Variants in NF1 observed in about 807,000 individuals in gnomAD.
NF1 encodes the protein neurofibromin.
A neutral mutation model predicts 325.7 loss-of-function variants in NF1; 122 were observed. The observed-to-expected ratio is 0.37, with a 90% confidence interval of 0.32 to 0.44. The LOEUF (loss-of-function observed/expected upper bound fraction) is 0.44, where lower values mean the gene tolerates loss of function less well. NF1 is among the 20% of genes least tolerant of loss of function. The pLI, the probability that NF1 is intolerant of heterozygous loss-of-function variation, is 1.00. For synonymous variants in NF1, 1,091 were observed against 1,186.0 expected, an observed-to-expected ratio of 0.92 and a Z score of 1.65; for missense variants, 2,140 against 3,415.4, an observed-to-expected ratio of 0.63 and a Z score of 9.31.
intron 57 of NF1, among the ~76,000 whole-genome samples, chr17:31,373,181 A>G (rs888487384): frequency 1.3e-5 from 2 of 152,240 alleles, no homozygotes; most frequent in Non-Finnish European, 2.9e-5. Flanking sequence ...TTATTTTCTC[A>G]GTAAATAGTT....
chr17:31,177,435 G>GA lies in NF1; in HGVS notation c.587-3978dup, dbSNP rs34018819. On this transcript the variant is annotated intron_variant, in intron 5 of 57. Coordinates refer to ENST00000358273, the MANE Select transcript of NF1 (RefSeq NM_001042492.3). ...GGGAAGAAACCAGTGCAAAAAGGCTGAAAAAAAAACGAGCACGCCTCTTCT... is the reference window on the plus strand; with the variant it reads ...GGGAAGAAACCAGTGCAAAAAGGCTGAAAAAAAAAACGAGCACGCCTCTTCT... Among the ~76,000 whole-genome samples the GA allele has an allele frequency of 4.5e-3, 680 of 151,156 alleles. 4 individuals carry two copies. The highest frequency in any genetic ancestry group is 0.024 in the Middle Eastern group (7 of 294).
At chr17:31,288,443 A>T in intron 36 of NF1, among the ~76,000 whole-genome samples, 1 of 151,782 alleles carries the variant, frequency 6.6e-6, no homozygotes, top group East Asian at 1.9e-4. Flanking sequence ...TGAATTGTTC[A>T]TGGGTATCAG....
chr17:31,222,011 TA>T, intron 15 of NF1, 82 bp downstream of exon 15: 1 of 1,375,250 alleles, frequency 7.3e-7, no homozygotes, highest in East Asian at 2.7e-5. Flanking sequence ...CTGTAGTACT[TA>T]GTACATTGTA....
At chr17:31,205,342 T>G (rs1234948630) in intron 11 of NF1, among the ~76,000 whole-genome samples, 3 of 152,162 alleles carry the variant, frequency 2.0e-5, no homozygotes, top group Non-Finnish European at 4.4e-5. Context: ...TAAATAAACA[T>G]CTGGAGTATT....
chr17:31,256,577 T>A (rs889604490), intron 31 of NF1, among the ~76,000 whole-genome samples: 1 of 152,198 alleles, frequency 6.6e-6, no homozygotes, highest in Non-Finnish European at 1.5e-5. Flanking sequence ...TTTATCAGAT[T>A]TCAAAGAGGT....
In NF1 at chr17:31,226,887, G is replaced by T. The variant is rs17884438; in HGVS notation, c.2251+203G>T. The stretch of plus-strand genomic sequence containing the variant: ...TAGTCTTCCACTGAGTTGTTAATAT[G>T]CTATACATTTTAAAAATAACTGGCA... On this transcript the variant is annotated intron_variant, in intron 18 of 57. Coordinates refer to ENST00000358273, the MANE Select transcript of NF1 (RefSeq NM_001042492.3). 7.8e-3 allele frequency among the ~76,000 whole-genome samples: 1,192 copies of T among 152,260 alleles called. 21 individuals are homozygous for T. The highest frequency in any genetic ancestry group is 0.028 in the African/African-American group (1,144 of 41,538).
intron 36 of NF1, chr17:31,295,919 A>G (rs767671704): frequency 7.4e-6 from 12 of 1,614,006 alleles, no homozygotes; most frequent in South Asian, 2.2e-5. Context: ...AATGAGGACA[A>G]CCTTTTCCAG....
intron 1 of NF1, among the ~76,000 whole-genome samples, chr17:31,111,215 GAAAAA>G (rs572424324): frequency 7.4e-6 from 1 of 135,248 alleles, no homozygotes. Flanking sequence ...TAAAAGCACA[GAAAAA>G]AAAAAAAGAA....
At chr17:31,364,966 G>A (rs534509579) in intron 57 of NF1, among the ~76,000 whole-genome samples, 30 of 152,284 alleles carry the variant, frequency 2.0e-4, no homozygotes, top group African/African-American at 6.3e-4. Context: ...CAGTCTAGCT[G>A]AGCTGGACAT....
At chr17:31,344,313 C>T (rs901087273) in intron 48 of NF1, among the ~76,000 whole-genome samples, 5 of 152,346 alleles carry the variant, frequency 3.3e-5, no homozygotes, top group Middle Eastern at 3.4e-3. Context: ...CTCCCCGTTG[C>T]TGACTTCACA....
At position 31,327,437 on chromosome 17, in the gene NF1, T is replaced by C; in HGVS notation, c.5269-62T>C. The stretch of plus-strand genomic sequence containing the variant: ...TGGTTGGTTGGTTTCTGGAGCCTTT[T>C]AGAATTTTATGTAAAAGAGTTTAAT... On this transcript the variant is annotated intron_variant, in intron 37 of 57. Transcript: ENST00000358273. 32 of 1,355,904 alleles carry C rather than the reference T, an allele frequency of 2.4e-5. 1 individual carries two copies. Among genetic ancestry groups the C allele is most frequent in the Non-Finnish European group, 3.3e-5 (32 of 969,462 alleles). The allele number at this position is 1,355,904 out of a possible 1,614,324, so 84.0% of individuals were successfully genotyped here.
rs183562291 is a variant in NF1 at position 31,230,036 on chromosome 17, C to G, written c.2990+62C>G. 3.2e-4 allele frequency: 510 copies of G among 1,578,432 alleles called. 4 individuals carry two copies. In the African/African-American group the frequency reaches 6.1e-3, roughly 19 times the overall value. On this transcript the variant is annotated intron_variant, in intron 22 of 57. Coordinates refer to ENST00000358273, the MANE Select transcript of NF1 (RefSeq NM_001042492.3). ...AGAGATAAGAAAAACCTCTTACACA[C>G]TGATACTGGTAGTAATTGATAAAAT...
At position 31,374,951 on chromosome 17, in the gene NF1, G is replaced by C. The variant is rs1222325398; in HGVS notation, c.*796G>C. The C allele has an allele frequency of 4.6e-6, 1 of 217,952 alleles. No individual in the cohort carries two copies. Among genetic ancestry groups the C allele is most frequent in the Admixed American group, 5.8e-5 (1 of 17,222 alleles). 13.5% of individuals were successfully genotyped at this position (217,952 alleles called of 1,614,324 possible). A position where few individuals can be genotyped will look rare whatever the true frequency, so the allele number is the denominator to read the frequency against. ...TGATTATCTTTTAATTTTTAATTTT[G>C]CTAAAGGTGGTTTTTTTGTGTTTTG... On this transcript the variant is annotated 3_prime_UTR_variant, in exon 58 of 58. Coordinates refer to ENST00000358273, the MANE Select transcript of NF1 (RefSeq NM_001042492.3).
chr17:31,203,544 G>A (rs1477684053), intron 11 of NF1, among the ~76,000 whole-genome samples: 2 of 152,020 alleles, frequency 1.3e-5, no homozygotes, highest in African/African-American at 4.8e-5. Flanking sequence ...TGGTTGAAAA[G>A]GACTATTTAT....
chr17:31,367,315 T>G, intron 57 of NF1: 1 of 1,249,448 alleles, frequency 8.0e-7, no homozygotes, highest in Non-Finnish European at 1.1e-6. Flanking sequence ...ACGAAAATAC[T>G]GCTTACCCCA....
intron 36 of NF1, among the ~76,000 whole-genome samples, chr17:31,319,898 A>G (rs2069135894): frequency 6.6e-6 from 1 of 152,148 alleles, no homozygotes; most frequent in African/African-American, 2.4e-5. Context: ...GTAATAAAAT[A>G]GAAATAGAGC....
Position 31,227,238 on chromosome 17 carries a change from A to G in NF1, c.2272A>G (p.Arg758Gly), listed in dbSNP as rs777759192. 2 of 1,613,750 alleles carry G rather than the reference A, an allele frequency of 1.2e-6. No homozygotes were observed. The highest frequency in any genetic ancestry group is 1.1e-5 in the South Asian group (1 of 91,080). The change falls in exon 19 of 58, where the codon AGA (arginine) becomes GGA (glycine). Residue 758 changes from arginine to glycine, a missense_variant. Around this residue, in one of 10 missense-constraint regions of NF1, gnomAD observed 380 missense variants for 639.3 expected, o/e 0.59. Coordinates refer to ENST00000358273, the MANE Select transcript of NF1 (RefSeq NM_001042492.3). Reference sequence around the variant, plus strand: ...CTTAGGAAGAGCAGCACTTCAGAAAAGAGTGATGGCACTGCTGAGGCGCAT... The same window carrying G: ...CTTAGGAAGAGCAGCACTTCAGAAAGGAGTGATGGCACTGCTGAGGCGCAT... The part of the protein sequence containing the change: ...MSTGRAALQK[R>G]VMALLRRIEH...
At chr17:31,145,732 C>G (rs1375296962) in intron 1 of NF1, among the ~76,000 whole-genome samples, 1 of 151,888 alleles carries the variant, frequency 6.6e-6, no homozygotes, top group Non-Finnish European at 1.5e-5. Flanking sequence ...AGGTGGAGGC[C>G]AAAATATATT....
At chr17:31,333,351 G>A (rs915022280) in intron 39 of NF1, among the ~76,000 whole-genome samples, 10 of 152,206 alleles carry the variant, frequency 6.6e-5, no homozygotes, top group African/African-American at 2.4e-4. Context: ...TTTTTAAATT[G>A]AGGTATATCT....
Sources: allele counts gnomAD v4.1 joint callset (sites outside exome capture counted in the v4.1 genomes callset), GRCh38; gene constraint gnomAD v4.1.1; regional missense constraint gnomAD v4.1.1; transcripts MANE v1.5; gene names NCBI Gene and HGNC (gene_info 2026-07-23, HGNC 2026-07-21).